The following MASP2 variants were observed in gnomAD, a reference collection of about 807,000 sequenced individuals.
The protein encoded by MASP2 is MBL associated serine protease 2, also known as mannan-binding lectin serine protease 2.
MASP2 carries 49 observed loss-of-function variants against 57.1 expected under a neutral mutation model. The ratio of observed to expected loss-of-function variants is 0.86; its 90% CI spans 0.68 to 1.09. The LOEUF is 1.09. Among genes scored for constraint, MASP2 ranks in the 50% least tolerant of loss-of-function variants. MASP2 has a pLI of 0.00. For synonymous variants in MASP2, 379 were observed against 340.8 expected, an observed-to-expected ratio of 1.11 and a Z score of -1.24; for missense variants, 900 against 874.8, an observed-to-expected ratio of 1.03 and a Z score of -0.36.
chr1:11,043,605 G>A (rs137985602), intron 4 of MASP2, 70 bp from the exon 5 acceptor site: 77 of 1,070,584 alleles, frequency 7.2e-5, no homozygotes, highest in Middle Eastern at 6.1e-4. Flanking sequence ...CAGCAGGGTG[G>A]ATGCCTTGGG....
intron 7 of MASP2, among the ~76,000 whole-genome samples, chr1:11,036,532 A>AC (rs1638242436): frequency 7.1e-6 from 1 of 141,772 alleles, no homozygotes; most frequent in Admixed American, 6.8e-5. Context: ...AAAAAAAAAA[A>AC]AAAAACAAAA....
intron 6 of MASP2, among the ~76,000 whole-genome samples, chr1:11,039,368 GGATGGATGGATA>G (rs1387267800): frequency 0.018 from 1,193 of 64,732 alleles, 12 homozygotes; most frequent in Non-Finnish European, 0.031. Flanking sequence ...ATGGATGGAT[GGATGGATGGATA>G]GATTGGTGGA....
At chr1:11,032,911 AAAAT>A (rs539611037) in intron 8 of MASP2, among the ~76,000 whole-genome samples, 22 of 152,218 alleles carry the variant, frequency 1.4e-4, no homozygotes, top group South Asian at 1.0e-3. Context: ...TCCGTCTCAA[AAAAT>A]AAATAAATAT....
intron 9 of MASP2, 163 bp from the exon 10 acceptor site, chr1:11,030,413 TA>T: frequency 1.7e-6 from 1 of 604,426 alleles, no homozygotes; most frequent in Non-Finnish European, 2.9e-6. Flanking sequence ...GTCTCTGCAT[TA>T]CCATGTTTGC....
Position 11,046,592 on chromosome 1 carries a change from G to A in MASP2, c.376C>T (p.Pro126Ser), listed in dbSNP as rs1638645475. Residue 126 changes from proline to serine, a missense_variant, in exon 3 of 11, where the codon CCG becomes TCG. Physicochemically the swap from Pro to Ser is moderately conservative, Grantham distance 74. Transcript: ENST00000400897. ...TAGAAGGCCTCGAACCCCGTGAACG[G>A]CTTCTCGTTGGAGTAGTCGGAGCGG... ...TFRSDYSNEK[P>S]FTGFEAFYAA... 3 of 1,613,754 alleles carry A rather than the reference G, an allele frequency of 1.9e-6. No homozygotes were observed. The highest frequency in any genetic ancestry group is 1.1e-5 in the South Asian group (1 of 91,080).
At chr1:11,043,092 C>T in intron 5 of MASP2, 70 bp from the exon 6 acceptor site, 1 of 1,536,472 alleles carries the variant, frequency 6.5e-7, no homozygotes, top group Non-Finnish European at 8.9e-7. Flanking sequence ...GGAAGTAACC[C>T]ACCTCCTCAG....
intron 3 of MASP2, chr1:11,045,803 G>A: frequency 1.9e-6 from 1 of 535,958 alleles, no homozygotes; most frequent in Non-Finnish European, 3.3e-6. Context: ...CCCAGCTAAT[G>A]AGGGGAGTCA....
At chr1:11,040,003 T>A (rs913622707) in intron 6 of MASP2, among the ~76,000 whole-genome samples, 1 of 140,118 alleles carries the variant, frequency 7.1e-6, no homozygotes, top group African/African-American at 2.7e-5. Flanking sequence ...GGGATAGGAT[T>A]GGTAGGCAGA....
In MASP2 at chr1:11,042,813, G is replaced by T; in HGVS notation, c.889+62C>A. The T allele has an allele frequency of 1.9e-6, 3 of 1,584,480 alleles. No homozygotes were observed. In the South Asian group the frequency reaches 3.4e-5, roughly 18 times the overall value. On this transcript the variant is annotated intron_variant, in intron 6 of 10. Coordinates refer to ENST00000400897, the MANE Select transcript of MASP2 (RefSeq NM_006610.4). ...GGAGCCCTACACTCTACAGCTCCTTGACACTCCAGGAGAGAGGGCAGCTCT... is the reference window on the plus strand; with the variant it reads ...GGAGCCCTACACTCTACAGCTCCTTTACACTCCAGGAGAGAGGGCAGCTCT...
chr1:11,042,216 A>ATGTG (rs1638477997), intron 6 of MASP2, among the ~76,000 whole-genome samples: 1 of 144,934 alleles, frequency 6.9e-6, no homozygotes, highest in Non-Finnish European at 1.5e-5. Context: ...GGATAGAAGG[A>ATGTG]TATGTAGAAG....
At chr1:11,041,810 G>T (rs546300033) in intron 6 of MASP2, among the ~76,000 whole-genome samples, 2 of 149,680 alleles carry the variant, frequency 1.3e-5, no homozygotes, top group African/African-American at 4.9e-5. Flanking sequence ...GTATGTGTAG[G>T]TAGAAGGATG....
intron 6 of MASP2, among the ~76,000 whole-genome samples, chr1:11,041,666 A>ACAGAT: frequency 1.4e-4 from 2 of 14,558 alleles, no homozygotes; most frequent in African/African-American, 3.1e-4. Flanking sequence ...AGGATGAGTG[A>ACAGAT]ATGGATAGAT....
chr1:11,036,009 G>A (rs1206581624), intron 7 of MASP2, among the ~76,000 whole-genome samples: 1 of 152,174 alleles, frequency 6.6e-6, no homozygotes. Context: ...CCATTAGCTG[G>A]AGGAGGGCTA....
In MASP2 at chr1:11,028,697, G is replaced by GTTTTTTTTTTTTTT. The variant is rs1208974169; in HGVS notation, c.1298-1050_1298-1049insAAAAAAAAAAAAAA. On this transcript the variant is annotated intron_variant, in intron 10 of 10. Coordinates refer to ENST00000400897, the MANE Select transcript of MASP2 (RefSeq NM_006610.4). ...AATTAATATATTACTATCTTTCTGG[G>GTTTTTTTTTTTTTT]TTTTTTTTCTTTTTTTTTTTTTTTT... Among the ~76,000 whole-genome samples, 3 of 36,178 alleles carry GTTTTTTTTTTTTTT rather than the reference G, an allele frequency of 8.3e-5. 1 individual carries two copies. Among genetic ancestry groups the GTTTTTTTTTTTTTT allele is most frequent in the African/African-American group, 3.9e-4 (3 of 7,654 alleles). The allele number at this position is 36,178 out of a possible 152,430, so 23.7% of individuals were successfully genotyped here.
Position 11,026,907 on chromosome 1 carries a change from T to C in MASP2, c.2039A>G (p.Glu680Gly), listed in dbSNP as rs568261585. ...AAGTTAAAAATCACTAATTATGTTCTCGATCCAGGGAATATAGTTAATAAC... is the reference window on the plus strand; with the variant it reads ...AAGTTAAAAATCACTAATTATGTTCCCGATCCAGGGAATATAGTTAATAAC... ...TKVINYIPWI[E>G]NIISDF is the part of the protein sequence containing the mutation. The change falls in exon 11 of 11, where the codon GAG becomes GGG. Residue 680 changes from glutamate to glycine, a missense_variant. By Grantham distance (98) the Glu-to-Gly change is moderately conservative. Transcript: ENST00000400897. 36 of 1,486,144 alleles carry C rather than the reference T, an allele frequency of 2.4e-5. 1 individual carries two copies. Among genetic ancestry groups the C allele is most frequent in the Middle Eastern group, 3.6e-4 (2 of 5,530 alleles). The allele number at this position is 1,486,144 out of a possible 1,614,324, so 92.1% of individuals were successfully genotyped here.
chr1:11,034,808 T>C lies in MASP2; in HGVS notation c.1087+20A>G. On this transcript the variant is annotated intron_variant, in intron 8 of 10. Coordinates refer to ENST00000400897, the MANE Select transcript of MASP2 (RefSeq NM_006610.4). ...GAGTTCCGGGCGGTTATGGGGCCTG[T>C]AGTCACCACACGACCGTACTGCTGC... The C allele has an allele frequency of 5.7e-6, 9 of 1,589,686 alleles. No homozygotes were observed. Among genetic ancestry groups the C allele is most frequent in the Non-Finnish European group, 7.7e-6 (9 of 1,165,888 alleles).
intron 5 of MASP2, 90 bp from the exon 6 acceptor site, chr1:11,043,112 G>T: frequency 7.0e-7 from 1 of 1,436,944 alleles, no homozygotes; most frequent in Non-Finnish European, 9.6e-7. Context: ...GCATTTCAGG[G>T]ACAGCCAATG....
chr1:11,037,720 A>G lies in MASP2; in HGVS notation c.981T>C (p.Phe327=), dbSNP rs1638294559. The G allele has an allele frequency of 4.3e-6, 7 of 1,611,750 alleles. No individual in the cohort carries two copies. The highest frequency in any genetic ancestry group is 5.9e-6 in the Non-Finnish European group (7 of 1,179,326). Residue 327 remains phenylalanine (F), a synonymous_variant, in exon 7 of 11, where the codon TTT becomes TTC. Coordinates refer to ENST00000400897, the MANE Select transcript of MASP2 (RefSeq NM_006610.4). ...GCAGAAGCTCATAGCCAGTCTCGCA[A>G]AAGATGGAGAAGCTGTCTTTCAGGA... is the stretch of plus-strand genomic sequence containing the variant. ...KYILKDSFSI[F]CETGYELLQG...
chr1:11,040,721 G>A (rs1381796887), intron 6 of MASP2, among the ~76,000 whole-genome samples: 1 of 151,216 alleles, frequency 6.6e-6, no homozygotes, highest in African/African-American at 2.4e-5. Flanking sequence ...ATGGATGGAT[G>A]TGTAGGTAGA....
Sources: gnomAD v4.1 joint callset for allele counts (sites outside exome capture counted in the v4.1 genomes callset) on GRCh38, gnomAD v4.1.1 for gene constraint, MANE v1.5 for transcripts, NCBI Gene and HGNC (gene_info 2026-07-23, HGNC 2026-07-21) for gene names.